SYT17: variants seen among roughly 807,000 people sequenced by gnomAD.
The protein encoded by SYT17 is synaptotagmin-17.
In SYT17, 22 loss-of-function variants were observed where a neutral mutation model predicts 46.7. The observed-to-expected ratio is 0.47, with a 90% CI of 0.34 to 0.67. SYT17 has a LOEUF of 0.67. Ranked by LOEUF, SYT17 falls within the 30% of genes least tolerant of loss-of-function variation. The pLI is 0.01. For synonymous variants in SYT17, 251 were observed against 248.4 expected, an observed-to-expected ratio of 1.01 and a Z score of -0.10; for missense variants, 519 against 612.8, an observed-to-expected ratio of 0.85 and a Z score of 1.62.
chr16:19,182,461 T>C (rs906101512), intron 4 of SYT17, among the ~76,000 whole-genome samples: 3 of 152,214 alleles, frequency 2.0e-5, no homozygotes, highest in Non-Finnish European at 4.4e-5. Flanking sequence ...TATTTGCATA[T>C]TTTAAAAGTC....
intron 7 of SYT17, among the ~76,000 whole-genome samples, chr16:19,254,743 C>T (rs1440984870): frequency 1.3e-5 from 2 of 152,196 alleles, no homozygotes; most frequent in Non-Finnish European, 2.9e-5. Context: ...GACCCTCAGT[C>T]AGATGTATAC....
At chr16:19,213,079 A>G (rs915903253) in intron 5 of SYT17, among the ~76,000 whole-genome samples, 1 of 152,192 alleles carries the variant, frequency 6.6e-6, no homozygotes, top group East Asian at 1.9e-4. Flanking sequence ...GGGTTCAATC[A>G]TAGCTTACTA....
In SYT17 at chr16:19,202,369, C is replaced by A. The variant is rs116615756; in HGVS notation, c.951+18222C>A. On this transcript the variant is annotated intron_variant, in intron 5 of 7. Transcript: ENST00000355377. ...ATAAATGACACAACTTAGGGACAGC[C>A]AAGTAGAAAGGATGCATAGGGCAAG... Among the ~76,000 whole-genome samples, 512 of 152,290 alleles carry A rather than the reference C, an allele frequency of 3.4e-3. 2 individuals carry two copies. Among genetic ancestry groups the A allele is most frequent in the African/African-American group, 0.011 (475 of 41,550 alleles).
intron 7 of SYT17, among the ~76,000 whole-genome samples, chr16:19,232,049 A>G (rs1300117829): frequency 6.6e-6 from 1 of 152,138 alleles, no homozygotes; most frequent in Admixed American, 6.5e-5. Flanking sequence ...GGATGCAGAG[A>G]GGTCGGCCGG....
chr16:19,267,139 G>T lies in SYT17; in HGVS notation c.*63G>T. On this transcript the variant is annotated 3_prime_UTR_variant, in exon 8 of 8. Transcript: ENST00000355377. ...AAAAAAAAAAGACGGAAAAAAATGT[G>T]TCACATACTATTACATCCACACCTG... is the stretch of plus-strand genomic sequence containing the variant. 1 of 1,407,742 alleles carries T rather than the reference G, an allele frequency of 7.1e-7. No homozygotes were observed. The highest frequency in any genetic ancestry group is 1.4e-5 in the South Asian group (1 of 70,556). 87.2% of individuals were successfully genotyped at this position (1,407,742 alleles called of 1,614,324 possible). A position where few individuals can be genotyped will look rare whatever the true frequency, so the allele number is the denominator to read the frequency against.
intron 4 of SYT17, among the ~76,000 whole-genome samples, chr16:19,182,204 C>T (rs769842601): frequency 5.1e-4 from 78 of 152,110 alleles, no homozygotes; most frequent in Non-Finnish European, 7.9e-4. Context: ...AGCTTGAGGC[C>T]AGGAGTTCAA....
chr16:19,231,649 C>T (rs1421253335), intron 7 of SYT17, among the ~76,000 whole-genome samples: 1 of 150,630 alleles, frequency 6.6e-6, no homozygotes, highest in Non-Finnish European at 1.5e-5. Context: ...GGTGGAGGAA[C>T]TGCTGCTTGC....
At chr16:19,180,205 C>T (rs752588004) in intron 3 of SYT17, 186 bp from the exon 4 acceptor site, 61 of 584,048 alleles carry the variant, frequency 1.0e-4, no homozygotes, top group Non-Finnish European at 1.5e-4. Flanking sequence ...TATCATTTCA[C>T]ATTTTGTGCA....
intron 7 of SYT17, among the ~76,000 whole-genome samples, chr16:19,245,379 G>A (rs2142986224): frequency 6.6e-6 from 1 of 152,226 alleles, no homozygotes; most frequent in Non-Finnish European, 1.5e-5. Flanking sequence ...AAATACCTAT[G>A]GTGCCAAAGT....
intron 7 of SYT17, among the ~76,000 whole-genome samples, chr16:19,257,721 T>G: frequency 6.6e-6 from 1 of 152,124 alleles, no homozygotes; most frequent in African/African-American, 2.4e-5. Flanking sequence ...TTTTTTCTTT[T>G]CAGGAACAGG....
Position 19,168,778 on chromosome 16 carries a change from G to A in SYT17, c.15+117G>A. On this transcript the variant is annotated intron_variant, in intron 1 of 7. Coordinates refer to ENST00000355377, the MANE Select transcript of SYT17 (RefSeq NM_016524.4). The surrounding 1 kb of genome is among the most constrained non-coding windows in gnomAD (Gnocchi z 6.9). ...CTAGGCTCCCACAAACTTGCTTCGA[G>A]AAAAAGGGTGCCCGTGCGCGGGCAA... The A allele has an allele frequency of 4.6e-6, 6 of 1,298,606 alleles. No individual in the cohort carries two copies. The highest frequency in any genetic ancestry group is 6.1e-6 in the Non-Finnish European group (6 of 979,982). 80.4% of individuals were successfully genotyped at this position (1,298,606 alleles called of 1,614,324 possible).
intron 5 of SYT17, among the ~76,000 whole-genome samples, chr16:19,218,887 C>T (rs567942952): frequency 2.7e-4 from 41 of 152,278 alleles, no homozygotes; most frequent in Non-Finnish European, 4.4e-4. Flanking sequence ...CCCTCCATCC[C>T]AGACCTTGCA....
chr16:19,189,060 G>A (rs937815914), intron 5 of SYT17, among the ~76,000 whole-genome samples: 7 of 151,994 alleles, frequency 4.6e-5, no homozygotes, highest in African/African-American at 1.7e-4. Context: ...CTAATTTTTC[G>A]TAATTTTAGT....
intron 7 of SYT17, among the ~76,000 whole-genome samples, chr16:19,236,364 T>C (rs1966848030): frequency 6.6e-6 from 1 of 152,198 alleles, no homozygotes; most frequent in Non-Finnish European, 1.5e-5. Context: ...TTTATGATCA[T>C]TTTTCAGCTG....
chr16:19,173,101 G>A (rs558020339), intron 2 of SYT17: 36 of 552,196 alleles, frequency 6.5e-5, no homozygotes, highest in African/African-American at 5.9e-4. Context: ...CGAACATATC[G>A]TATAGCCCTT....
chr16:19,209,795 G>A (rs922896162), intron 5 of SYT17, among the ~76,000 whole-genome samples: 32 of 151,868 alleles, frequency 2.1e-4, no homozygotes, highest in Admixed American at 2.6e-4. Flanking sequence ...GGAGAATGGC[G>A]TGAACCCGGG....
At chr16:19,261,010 TA>T (rs200147970) in intron 7 of SYT17, among the ~76,000 whole-genome samples, 1 of 151,376 alleles carries the variant, frequency 6.6e-6, no homozygotes, top group Non-Finnish European at 1.5e-5. Flanking sequence ...GTCTAGTCTT[TA>T]AAAAAAAATT....
At chr16:19,253,130 A>G (rs1968307787) in intron 7 of SYT17, among the ~76,000 whole-genome samples, 2 of 152,218 alleles carry the variant, frequency 1.3e-5, no homozygotes, top group Non-Finnish European at 2.9e-5. Flanking sequence ...GTTTTATTGG[A>G]ATACAGCCAT....
Position 19,168,675 on chromosome 16 carries a change from T to A in SYT17, c.15+14T>A. The A allele has an allele frequency of 6.6e-7, 1 of 1,511,178 alleles. No homozygotes were observed. 93.6% of individuals were successfully genotyped at this position (1,511,178 alleles called of 1,614,324 possible). A position where few individuals can be genotyped will look rare whatever the true frequency, so the allele number is the denominator to read the frequency against. ...GCGTACATCCAGGTAGGGCTGAGGC[T>A]GGGGGCAAGGTCCGGGGTGCGGGTA... On this transcript the variant is annotated intron_variant, in intron 1 of 7. Coordinates refer to ENST00000355377, the MANE Select transcript of SYT17 (RefSeq NM_016524.4). The surrounding 1 kb of genome is among the most constrained non-coding windows in gnomAD (Gnocchi z 6.9).
Sources: gnomAD v4.1 joint callset for allele counts (sites outside exome capture counted in the v4.1 genomes callset) on GRCh38, gnomAD v4.1.1 for gene constraint, Gnocchi (gnomAD v3.1) non-coding constraint, MANE v1.5 for transcripts, NCBI Gene and HGNC (gene_info 2026-07-23, HGNC 2026-07-21) for gene names.